Variants in SHANK2 observed in about 807,000 individuals in gnomAD.
SHANK2 encodes SH3 and multiple ankyrin repeat domains protein 2.
In SHANK2, 43 loss-of-function variants were observed where a neutral mutation model predicts 133.7. The observed-to-expected ratio is 0.32, with a 90% confidence interval of 0.25 to 0.41. The LOEUF (loss-of-function observed/expected upper bound fraction) is 0.41. Ranked by LOEUF, SHANK2 falls within the 10% of genes least tolerant of loss-of-function variation. The pLI, the probability that SHANK2 is intolerant of heterozygous loss-of-function variation, is 1.00. For missense variants in SHANK2, 1,994 were observed against 2,235.8 expected (o/e 0.89, Z 2.18); for synonymous variants, 1,017 against 952.8 (o/e 1.07, Z -1.24).
At chr11:70,647,246 C>A (rs1470193961) in intron 17 of SHANK2, 1 of 152,226 alleles carries the variant, frequency 6.6e-6, no homozygotes, top group East Asian at 1.9e-4. Flanking sequence ...AGTAAGCCCC[C>A]AGTTTTCCTT....
At chr11:70,727,667 A>G (rs1946203831) in intron 14 of SHANK2, among the ~76,000 whole-genome samples, 1 of 152,184 alleles carries the variant, frequency 6.6e-6, no homozygotes, top group African/African-American at 2.4e-5. Flanking sequence ...TGGGGCAGGC[A>G]TACGGTAAAA....
intron 11 of SHANK2, among the ~76,000 whole-genome samples, chr11:70,895,045 C>T (rs915151322): frequency 6.6e-6 from 1 of 152,228 alleles, no homozygotes; most frequent in Non-Finnish European, 1.5e-5. Context: ...GCTGAGGCAG[C>T]CCTGGCAGAA....
chr11:71,247,484 T>TAAA (rs139897996), intron 1 of SHANK2, among the ~76,000 whole-genome samples: 14 of 145,958 alleles, frequency 9.6e-5, no homozygotes, highest in African/African-American at 3.3e-4. Context: ...CTGTTTTTTT[T>TAAA]AAAAAAAACA....
intron 15 of SHANK2, among the ~76,000 whole-genome samples, chr11:70,693,604 C>G (rs1231510816): frequency 2.0e-5 from 3 of 152,166 alleles, no homozygotes; most frequent in Non-Finnish European, 2.9e-5. Context: ...CATTTGTTAA[C>G]TTTATTGTGT....
rs1175797564 is a variant in SHANK2 at position 70,502,280 on chromosome 11, G to A, written c.2204C>T (p.Pro735Leu). The change falls in exon 19 of 26, where the codon CCG (proline) becomes CTG (leucine). Residue 735 changes from proline to leucine, a missense_variant. Around this residue, in one of 5 missense-constraint regions of SHANK2, gnomAD observed 488 missense variants for 642.6 expected, o/e 0.76. Coordinates refer to ENST00000601538, the MANE Select transcript of SHANK2 (RefSeq NM_012309.5). Reference protein sequence around the residue: ...PDDTARKKAPPPPKRAPTTAL... With the variant: ...PDDTARKKAPLPPKRAPTTAL... ...TGTGGTCGGTGCCCGCTTTGGAGGC[G>A]GGGGAGCTGGAGGGCAGAGGAGAGA... 8.4e-6 allele frequency: 13 copies of A among 1,554,852 alleles called. No individual in the cohort carries two copies. The highest frequency in any genetic ancestry group is 1.7e-4 in the Middle Eastern group (1 of 5,898).
rs782028828 is a variant in SHANK2, at chr11:70,487,189, A to G, written c.3104T>C (p.Ile1035Thr). ...GCTGCTGGTGGACGGCTCCTTCACG[A>G]TGATGGTCGGGATAGGGATGGAGCA... ...KTCSIPIPTIIVKEPSTSSSG... is the reference protein window; with the variant it reads ...KTCSIPIPTITVKEPSTSSSG... The change falls in exon 25 of 26, where the codon ATC becomes ACC. Residue 1035 changes from isoleucine to threonine, a missense_variant. By Grantham distance (89) the Ile-to-Thr change is moderately conservative. Transcript: ENST00000601538. The surrounding 1 kb of genome is among the most constrained non-coding windows in gnomAD (Gnocchi z 5.8). The G allele has an allele frequency of 1.9e-6, 3 of 1,613,608 alleles. No homozygotes were observed.
chr11:70,565,500 C>G (rs1162519954), intron 17 of SHANK2, among the ~76,000 whole-genome samples: 5 of 152,220 alleles, frequency 3.3e-5, no homozygotes, highest in African/African-American at 9.6e-5. Context: ...CCCACCTCGG[C>G]CTCCGAAAGC....
intron 17 of SHANK2, among the ~76,000 whole-genome samples, chr11:70,630,551 C>A (rs1277163166): frequency 6.6e-6 from 1 of 152,190 alleles, no homozygotes; most frequent in Non-Finnish European, 1.5e-5. Context: ...GAGATGCAAT[C>A]ACTTGGGATG....
intron 14 of SHANK2, among the ~76,000 whole-genome samples, chr11:70,775,590 C>G (rs765552940): frequency 2.0e-5 from 3 of 152,208 alleles, no homozygotes; most frequent in African/African-American, 4.8e-5. Context: ...ATCCACCACT[C>G]GCGGCCATGT....
chr11:70,764,431 ACATCCACACATG>A (rs1947072864), intron 14 of SHANK2, among the ~76,000 whole-genome samples: 1 of 128,128 alleles, frequency 7.8e-6, no homozygotes, highest in Admixed American at 8.0e-5. Context: ...ACCCACCCAT[ACATCCACACATG>A]CATCTATCAT....
intron 10 of SHANK2, among the ~76,000 whole-genome samples, chr11:70,898,800 G>A (rs1949980288): frequency 6.6e-6 from 1 of 152,208 alleles, no homozygotes; most frequent in Non-Finnish European, 1.5e-5. Context: ...AAGTGAAAAA[G>A]CCTAACCACA....
chr11:70,954,859 G>A (rs1365768730), intron 10 of SHANK2, among the ~76,000 whole-genome samples: 1 of 152,242 alleles, frequency 6.6e-6, no homozygotes, highest in African/African-American at 2.4e-5. Context: ...GGTCTGGCAT[G>A]CAGCAGCCTA....
intron 17 of SHANK2, among the ~76,000 whole-genome samples, chr11:70,657,977 G>A (rs1034554898): frequency 3.3e-5 from 5 of 152,116 alleles, no homozygotes; most frequent in South Asian, 4.1e-4. Context: ...GCCCACACAC[G>A]TGCCTCAGCA....
intron 17 of SHANK2, among the ~76,000 whole-genome samples, chr11:70,541,181 A>G (rs11236585): frequency 0.17 from 26,423 of 152,132 alleles, 2,975 homozygotes; most frequent in African/African-American, 0.3. Context: ...CCTCCTGCCT[A>G]AGATGGAACG....
chr11:70,952,702 C>A (rs1157069024), intron 10 of SHANK2: 2 of 385,424 alleles, frequency 5.2e-6, no homozygotes, highest in Non-Finnish European at 5.6e-6. Flanking sequence ...TGCTTCAGGG[C>A]AGCACTCTGG....
chr11:70,680,807 C>T (rs1482881449), intron 15 of SHANK2, among the ~76,000 whole-genome samples: 14 of 152,150 alleles, frequency 9.2e-5, no homozygotes, highest in African/African-American at 2.9e-4. Flanking sequence ...AACAATCTTT[C>T]GCAGATTGTG....
intron 11 of SHANK2, among the ~76,000 whole-genome samples, chr11:70,870,280 T>C (rs1334892410): frequency 6.6e-6 from 1 of 151,954 alleles, no homozygotes; most frequent in Non-Finnish European, 1.5e-5. Flanking sequence ...CTGCAGTCCA[T>C]CTGGGCCAAA....
At chr11:70,732,899 C>T (rs899521630) in intron 14 of SHANK2, among the ~76,000 whole-genome samples, 1 of 152,228 alleles carries the variant, frequency 6.6e-6, no homozygotes, top group Non-Finnish European at 1.5e-5. Flanking sequence ...GTTTTGCTTC[C>T]GGCTGTAACC....
intron 7 of SHANK2, 104 bp downstream of exon 7, chr11:71,094,433 A>G (rs977627491): frequency 1.7e-6 from 2 of 1,166,354 alleles, no homozygotes; most frequent in African/African-American, 1.5e-5. Flanking sequence ...GGGCCGGAAC[A>G]CTGTGCACGG....
Sources: allele counts gnomAD v4.1 joint callset (sites outside exome capture counted in the v4.1 genomes callset), GRCh38; gene constraint gnomAD v4.1.1; regional missense constraint gnomAD v4.1.1; non-coding constraint Gnocchi (gnomAD v3.1); transcripts MANE v1.5; gene names NCBI Gene and HGNC (gene_info 2026-07-23, HGNC 2026-07-21).